Variants in AGAP5 observed in about 807,000 individuals in gnomAD.
AGAP5 encodes arf-GAP with GTPase, ANK repeat and PH domain-containing protein 5.
Under a neutral mutation model 27.7 loss-of-function variants are expected in AGAP5, and 8 were observed. The ratio of observed to expected loss-of-function variants is 0.29; its 90% CI spans 0.17 to 0.52. The LOEUF (loss-of-function observed/expected upper bound fraction) is 0.52, where lower values mean the gene tolerates loss of function less well. Among genes scored for constraint, AGAP5 ranks in the 20% least tolerant of loss-of-function variants. The pLI, the probability that AGAP5 is intolerant of heterozygous loss-of-function variation, is 0.97. For missense variants in AGAP5, 285 were observed against 880.8 expected, an observed-to-expected ratio of 0.32 and a Z score of 8.56; for synonymous variants, 111 against 338.0, an observed-to-expected ratio of 0.33 and a Z score of 7.37.
intron 4 of AGAP5, among the ~76,000 whole-genome samples, chr10:73,689,219 C>T (rs1440513993): frequency 6.6e-6 from 1 of 152,232 alleles, no homozygotes; most frequent in African/African-American, 2.4e-5. Context: ...CAGCTCCTAA[C>T]TGAGAGTGAT....
chr10:73,688,597 T>C (rs936065852), intron 4 of AGAP5, among the ~76,000 whole-genome samples: 32 of 150,306 alleles, frequency 2.1e-4, no homozygotes, highest in Non-Finnish European at 7.4e-5. Flanking sequence ...ATCCCAGAAC[T>C]AGAATAAAAA....
chr10:73,674,505 C>A lies in AGAP5; in HGVS notation c.*94G>T. ...AAAGTACTGAAAATGCTATTACTAG[C>A]TGAATTTGTGATTTCCTTTTGAAAT... On this transcript the variant is annotated 3_prime_UTR_variant, in exon 8 of 8. Coordinates refer to ENST00000374094, the MANE Select transcript of AGAP5 (RefSeq NM_001144000.4). 1 of 1,590,556 alleles carries A rather than the reference C, an allele frequency of 6.3e-7. No homozygotes were observed. The highest frequency in any genetic ancestry group is 8.6e-7 in the Non-Finnish European group (1 of 1,166,152).
rs191371610 is a variant in AGAP5, at chr10:73,686,462, A to G, written c.397-3668T>C. Among the ~76,000 whole-genome samples the G allele has an allele frequency of 4.8e-3, 727 of 152,360 alleles. 9 individuals carry two copies. The highest frequency in any genetic ancestry group is 0.017 in the African/African-American group (701 of 41,576). On this transcript the variant is annotated intron_variant, in intron 4 of 7. Coordinates refer to ENST00000374094, the MANE Select transcript of AGAP5 (RefSeq NM_001144000.4). ...TGAAACCATAAAAGTTCTAGAAGAT[A>G]ACATTGGAAAAACCCGTCTAGACAC...
chr10:73,689,014 CCA>C (rs796658359), intron 4 of AGAP5, among the ~76,000 whole-genome samples: 35 of 152,308 alleles, frequency 2.3e-4, no homozygotes, highest in African/African-American at 7.5e-4. Flanking sequence ...CCGCCTCTCC[CCA>C]CAGTCTCCCT....
At chr10:73,690,198 G>A (rs555046912) in intron 4 of AGAP5, among the ~76,000 whole-genome samples, 3 of 152,242 alleles carry the variant, frequency 2.0e-5, no homozygotes, top group African/African-American at 4.8e-5. Context: ...TTGAGAAATC[G>A]GATGGTTGCC....
chr10:73,688,956 TCTCCTCTGC>T, intron 4 of AGAP5, among the ~76,000 whole-genome samples: 1 of 152,050 alleles, frequency 6.6e-6, no homozygotes, highest in Admixed American at 6.5e-5. Flanking sequence ...GCCTCCTCTG[TCTCCTCTGC>T]CTCTGCTGCC....
rs563687055 is a variant in AGAP5, at chr10:73,675,401, G to C, written c.1259C>G (p.Thr420Arg). 2 of 1,614,128 alleles carry C rather than the reference G, an allele frequency of 1.2e-6. No homozygotes were observed. The highest frequency in any genetic ancestry group is 1.7e-5 in the Admixed American group (1 of 60,020). Residue 420 changes from threonine to arginine, a missense_variant, in exon 8 of 8, where the codon ACA becomes AGA. Physicochemically the swap from Thr to Arg is moderately conservative, Grantham distance 71 (BLOSUM62 -1). Transcript: ENST00000374094. ...NFMIVSATGQ[T>R]WHFEATTYEE... The stretch of plus-strand genomic sequence containing the variant: ...ATACGTCGTGGCTTCAAAGTGCCAT[G>C]TTTGGCCAGTGGCAGACACAATCAT...
chr10:73,688,999 C>T (rs1010203959), intron 4 of AGAP5, among the ~76,000 whole-genome samples: 8 of 152,136 alleles, frequency 5.3e-5, no homozygotes, highest in Non-Finnish European at 8.8e-5. Context: ...CCTCCGCCTC[C>T]GCCTCCGCCT....
intron 2 of AGAP5, among the ~76,000 whole-genome samples, chr10:73,696,161 C>T (rs1197702570): frequency 2.0e-5 from 3 of 152,078 alleles, no homozygotes; most frequent in Non-Finnish European, 2.9e-5. Flanking sequence ...TACAGTCATG[C>T]GCCACTACAC....
chr10:73,687,443 G>A (rs2082074612), intron 4 of AGAP5, among the ~76,000 whole-genome samples: 1 of 152,116 alleles, frequency 6.6e-6, no homozygotes. Flanking sequence ...CCTTTTTGTA[G>A]ACATGAGGTC....
intron 3 of AGAP5, among the ~76,000 whole-genome samples, chr10:73,692,427 C>CTT (rs2082127289): frequency 1.3e-5 from 2 of 152,042 alleles, no homozygotes; most frequent in African/African-American, 4.8e-5. Context: ...TCTAATTCTG[C>CTT]ATTTACACAT....
intron 6 of AGAP5, among the ~76,000 whole-genome samples, chr10:73,678,117 G>A (rs1449500063): frequency 6.6e-6 from 1 of 151,796 alleles, no homozygotes; most frequent in Non-Finnish European, 1.5e-5. Context: ...GGCCAGCGCA[G>A]TGGCTCACGC....
intron 4 of AGAP5, among the ~76,000 whole-genome samples, chr10:73,687,420 A>G (rs1333046450): frequency 6.6e-6 from 1 of 152,198 alleles, no homozygotes; most frequent in Non-Finnish European, 1.5e-5. Context: ...GGCCTGGCTA[A>G]TTTGTTATTT....
intron 2 of AGAP5, among the ~76,000 whole-genome samples, chr10:73,695,294 G>C (rs1033105171): frequency 6.6e-6 from 1 of 152,026 alleles, no homozygotes; most frequent in African/African-American, 2.4e-5. Flanking sequence ...TAGTTCTCTT[G>C]AGTAGCTGTC....
chr10:73,693,691 T>A (rs1408928248), intron 3 of AGAP5, among the ~76,000 whole-genome samples: 26 of 138,962 alleles, frequency 1.9e-4, no homozygotes, highest in Non-Finnish European at 2.8e-4. Context: ...AGAGTGAGAC[T>A]CCATTTCAAA....
chr10:73,686,738 G>A (rs975673932), intron 4 of AGAP5, among the ~76,000 whole-genome samples: 3 of 152,138 alleles, frequency 2.0e-5, no homozygotes, highest in East Asian at 1.9e-4. Context: ...ATCAATCAAT[G>A]AGCGGATAAA....
intron 2 of AGAP5, 119 bp from the exon 3 acceptor site, chr10:73,694,923 T>A: frequency 6.4e-7 from 1 of 1,564,096 alleles, no homozygotes; most frequent in South Asian, 1.1e-5. Flanking sequence ...TTCTTATACA[T>A]TGAAATGAAT....
rs926131811 is a variant in AGAP5 at position 73,694,790 on chromosome 10, G to A, written c.307C>T (p.Pro103Ser). Residue 103 changes from proline to serine, a missense_variant, in exon 3 of 8, where the codon CCT (proline) becomes TCT (serine). Physicochemically the swap from Pro to Ser is moderately conservative, Grantham distance 74. Transcript: ENST00000374094. Reference protein sequence around the residue: ...NSQTDALEFNPSANPEASTIF... With the variant: ...NSQTDALEFNSSANPEASTIF... ...GTGCTTGCCTCTGGATTGGCAGAAG[G>A]GTTAAACTCCAAAGCTATATGCATA... 16 of 1,597,766 alleles carry A rather than the reference G, an allele frequency of 1.0e-5. No individual in the cohort carries two copies. The African/African-American group carries it at 2.1e-4, about 21-fold the overall frequency.
At chr10:73,690,920 A>C (rs974758302) in intron 4 of AGAP5, among the ~76,000 whole-genome samples, 1 of 152,214 alleles carries the variant, frequency 6.6e-6, no homozygotes, top group African/African-American at 2.4e-5. Context: ...AAGGCCAAAG[A>C]AAGTTGCCCC....
Sources: gnomAD v4.1 joint callset for allele counts (sites outside exome capture counted in the v4.1 genomes callset) on GRCh38, gnomAD v4.1.1 for gene constraint, MANE v1.5 for transcripts, NCBI Gene and HGNC (gene_info 2026-07-23, HGNC 2026-07-21) for gene names.